Variants in COL19A1 observed in about 807,000 individuals in gnomAD.
The protein encoded by COL19A1 is collagen type XIX alpha 1 chain.
A neutral mutation model predicts 190.2 loss-of-function variants in COL19A1; 159 were observed. The ratio of observed to expected loss-of-function variants is 0.84; its 90% CI spans 0.73 to 0.95. The LOEUF (loss-of-function observed/expected upper bound fraction) is 0.95, where lower values mean the gene tolerates loss of function less well. Ranked by LOEUF, COL19A1 falls within the 40% of genes least tolerant of loss-of-function variation. The probability of loss-of-function intolerance (pLI) is 0.00; values close to 1 mark genes in which losing one functional copy is unlikely to be tolerated. For missense variants in COL19A1, 1,418 were observed against 1,431.9 expected (o/e 0.99, Z 0.16); for synonymous variants, 509 against 458.9 (o/e 1.11, Z -1.39).
intron 39 of COL19A1, 73 bp downstream of exon 39, chr6:70,168,288 CTT>C: frequency 6.7e-7 from 1 of 1,488,102 alleles, no homozygotes; most frequent in Non-Finnish European, 9.2e-7. Context: ...ATAAAAACCT[CTT>C]AAGTTCACTG....
chr6:69,989,553 C>A (rs78751467), intron 11 of COL19A1, among the ~76,000 whole-genome samples: 10 of 126,354 alleles, frequency 7.9e-5, no homozygotes, highest in Non-Finnish European at 1.1e-4. Flanking sequence ...GAGTTTTTTA[C>A]TTTTTTTTTT....
At chr6:69,918,021 G>C (rs1423815593) in intron 4 of COL19A1, among the ~76,000 whole-genome samples, 1 of 152,134 alleles carries the variant, frequency 6.6e-6, no homozygotes, top group Non-Finnish European at 1.5e-5. Context: ...GTCTCAATGA[G>C]CCTAGTGTGT....
chr6:69,877,645 A>T (rs184534691), intron 1 of COL19A1, among the ~76,000 whole-genome samples: 1 of 152,116 alleles, frequency 6.6e-6, no homozygotes. Context: ...TGTGAATAAT[A>T]TAATTATATT....
In COL19A1 at chr6:70,121,912, T is replaced by C; in HGVS notation, c.1311T>C (p.Thr437=). 1 of 1,591,264 alleles carries C rather than the reference T, an allele frequency of 6.3e-7. No individual in the cohort carries two copies. The highest frequency in any genetic ancestry group is 1.2e-5 in the South Asian group (1 of 85,278). The stretch of plus-strand genomic sequence containing the variant: ...CTGGAATACAAGGAATACACCAAAC[T>C]CTTGGTGGATATTATAACAAGGATA... ...GPPGIQGIHQ[T]LGGYYNKDNK... Residue 437 remains threonine, a synonymous_variant, in exon 17 of 51, where the codon ACT becomes ACC. Transcript: ENST00000620364.
intron 11 of COL19A1, among the ~76,000 whole-genome samples, chr6:69,974,913 C>T (rs547346834): frequency 4.3e-4 from 65 of 149,826 alleles, no homozygotes; most frequent in African/African-American, 1.1e-3. Flanking sequence ...CCCGAGTTCG[C>T]GCCATTTTCC....
At chr6:70,191,465 A>C (rs1431093810) in intron 48 of COL19A1, among the ~76,000 whole-genome samples, 5 of 152,320 alleles carry the variant, frequency 3.3e-5, no homozygotes, top group Non-Finnish European at 5.9e-5. Context: ...GCTAAATTTC[A>C]TAAGCATGTC....
At chr6:70,160,947 G>C (rs1352072643) in intron 34 of COL19A1, among the ~76,000 whole-genome samples, 3 of 151,984 alleles carry the variant, frequency 2.0e-5, no homozygotes, top group Admixed American at 1.3e-4. Context: ...GTTATAAATT[G>C]TATGTAATTT....
rs537935356 is a variant in COL19A1, at chr6:70,073,042, CA to C, written c.1224+4567del. Reference sequence around the variant, plus strand: ...TGCTCTTGTTGCCCAGGCTGCAGTGCAGTGGTGCAGTCTTGGCTCACTACAA... The same window carrying C: ...TGCTCTTGTTGCCCAGGCTGCAGTGCGTGGTGCAGTCTTGGCTCACTACAA... On this transcript the variant is annotated intron_variant, in intron 15 of 50. Transcript: ENST00000620364. Among the ~76,000 whole-genome samples the C allele has an allele frequency of 2.7e-3, 411 of 151,840 alleles. 2 individuals are homozygous for C. Among genetic ancestry groups the C allele is most frequent in the African/African-American group, 9.3e-3 (385 of 41,364 alleles).
At chr6:70,107,184 G>A (rs916144881) in intron 16 of COL19A1, among the ~76,000 whole-genome samples, 1 of 152,142 alleles carries the variant, frequency 6.6e-6, no homozygotes, top group African/African-American at 2.4e-5. Flanking sequence ...CAGACTTCAG[G>A]TGTGAAAGAC....
intron 48 of COL19A1, among the ~76,000 whole-genome samples, chr6:70,192,162 GC>G (rs2150298948): frequency 6.6e-6 from 1 of 152,248 alleles, no homozygotes; most frequent in South Asian, 2.1e-4. Flanking sequence ...CTGGGTTCAA[GC>G]GATTCTCCTG....
intron 16 of COL19A1, among the ~76,000 whole-genome samples, chr6:70,104,705 T>G (rs1783847198): frequency 6.6e-6 from 1 of 152,214 alleles, no homozygotes; most frequent in African/African-American, 2.4e-5. Flanking sequence ...TTTCATGCTT[T>G]AAAGAAGAAA....
rs1034348255 is a variant in COL19A1 at position 70,010,525 on chromosome 6, G to A, written c.1027-13102G>A. ...TGCGCACCGTGCGCGAGCGGAAGCAGGGCGAGGCATTGCCTCACCTGGGAA... is the reference window on the plus strand; with the variant it reads ...TGCGCACCGTGCGCGAGCGGAAGCAAGGCGAGGCATTGCCTCACCTGGGAA... On this transcript the variant is annotated intron_variant, in intron 11 of 50. Transcript: ENST00000620364. Among the ~76,000 whole-genome samples the A allele has an allele frequency of 7.0e-5, 10 of 142,166 alleles. 1 individual carries two copies. The highest frequency in any genetic ancestry group is 1.2e-4 in the Non-Finnish European group (8 of 66,868). The allele number at this position is 142,166 out of a possible 152,430, so 93.3% of individuals were successfully genotyped here.
intron 11 of COL19A1, among the ~76,000 whole-genome samples, chr6:69,991,088 T>C (rs369035168): frequency 2.0e-5 from 3 of 152,006 alleles, no homozygotes; most frequent in Admixed American, 1.3e-4. Context: ...TATTCCCTTT[T>C]TTGGGTCTAT....
chr6:70,061,049 G>T (rs900845511), intron 14 of COL19A1, among the ~76,000 whole-genome samples: 1 of 152,138 alleles, frequency 6.6e-6, no homozygotes, highest in Non-Finnish European at 1.5e-5. Context: ...TGGAGGTTAA[G>T]TATGTCTGTA....
intron 12 of COL19A1, among the ~76,000 whole-genome samples, chr6:70,028,034 G>T (rs530740110): frequency 8.2e-4 from 124 of 152,114 alleles, no homozygotes; most frequent in African/African-American, 2.7e-3. Flanking sequence ...TTGCACCACG[G>T]AATGATAATT....
intron 37 of COL19A1, among the ~76,000 whole-genome samples, chr6:70,167,743 G>T (rs898844159): frequency 2.6e-5 from 4 of 152,166 alleles, no homozygotes; most frequent in African/African-American, 9.6e-5. Flanking sequence ...AAATGCATTA[G>T]TGTCTCATCT....
At chr6:69,987,309 C>T (rs745822752) in intron 11 of COL19A1, among the ~76,000 whole-genome samples, 1 of 152,160 alleles carries the variant, frequency 6.6e-6, no homozygotes, top group East Asian at 1.9e-4. Flanking sequence ...TTATTATTTA[C>T]TAATAACTCT....
At chr6:70,024,076 G>A (rs1242857858) in intron 12 of COL19A1, among the ~76,000 whole-genome samples, 1 of 152,024 alleles carries the variant, frequency 6.6e-6, no homozygotes, top group Non-Finnish European at 1.5e-5. Context: ...TTTCAGTGAT[G>A]GGAAGAAAGG....
chr6:70,054,199 AT>A (rs776213051), intron 14 of COL19A1, among the ~76,000 whole-genome samples: 11 of 152,116 alleles, frequency 7.2e-5, no homozygotes, highest in Non-Finnish European at 1.2e-4. Context: ...AAAACACAAA[AT>A]TTAGCTGTGT....
Sources: allele counts gnomAD v4.1 joint callset (sites outside exome capture counted in the v4.1 genomes callset), GRCh38; gene constraint gnomAD v4.1.1; transcripts MANE v1.5; gene names NCBI Gene and HGNC (gene_info 2026-07-23, HGNC 2026-07-21).